The following MYOM1 variants were observed in gnomAD, a reference collection of about 807,000 sequenced individuals.
MYOM1 encodes the protein myomesin-1.
MYOM1 carries 164 observed loss-of-function variants against 205.3 expected under a neutral mutation model. That is an observed-to-expected ratio of 0.80 (90% confidence interval 0.70 to 0.91). MYOM1 has a LOEUF of 0.91. Ranked by LOEUF, MYOM1 falls within the 40% of genes least tolerant of loss-of-function variation. MYOM1 has a pLI of 0.00. For missense variants in MYOM1, 2,011 were observed against 2,127.3 expected, an observed-to-expected ratio of 0.95 and a Z score of 1.08; for synonymous variants, 772 against 789.4, an observed-to-expected ratio of 0.98 and a Z score of 0.37.
chr18:3,076,007 G>C (rs1448177587), intron 34 of MYOM1, among the ~76,000 whole-genome samples: 1 of 152,200 alleles, frequency 6.6e-6, no homozygotes, highest in African/African-American at 2.4e-5. Flanking sequence ...GAGGGCTTCA[G>C]CCCCTCAAAC....
intron 9 of MYOM1, among the ~76,000 whole-genome samples, chr18:3,167,531 G>C (rs2080489911): frequency 6.6e-6 from 1 of 152,094 alleles, no homozygotes; most frequent in South Asian, 2.1e-4. Flanking sequence ...CTACAGGTGT[G>C]CGCCACCACG....
intron 14 of MYOM1, among the ~76,000 whole-genome samples, chr18:3,140,337 G>GC (rs1359234534): frequency 6.6e-6 from 1 of 151,986 alleles, no homozygotes; most frequent in East Asian, 1.9e-4. Flanking sequence ...AACCAGGGAG[G>GC]CGGAGGTTGC....
intron 9 of MYOM1, among the ~76,000 whole-genome samples, chr18:3,167,333 G>C (rs1453474153): frequency 2.0e-5 from 3 of 152,160 alleles, no homozygotes; most frequent in Admixed American, 6.5e-5. Context: ...CTCTAGTATA[G>C]AAACTTAGTG....
chr18:3,086,019 T>G lies in MYOM1; in HGVS notation c.4251+19A>C, dbSNP rs2079148655. On this transcript the variant is annotated intron_variant, in intron 30 of 37. Transcript: ENST00000356443. ...GGTAGAGAGCTAATATATTACATTT[T>G]ACATTTATAATCGCCTACCTCTGTT... The G allele has an allele frequency of 6.8e-7, 1 of 1,479,074 alleles. No individual in the cohort carries two copies. Among genetic ancestry groups the G allele is most frequent in the African/African-American group, 1.4e-5 (1 of 72,370 alleles). The allele number at this position is 1,479,074 out of a possible 1,614,324, so 91.6% of individuals were successfully genotyped here. A position where few individuals can be genotyped will look rare whatever the true frequency, so the allele number is the denominator to read the frequency against.
chr18:3,206,304 G>T (rs951521456), intron 2 of MYOM1, among the ~76,000 whole-genome samples: 3 of 152,070 alleles, frequency 2.0e-5, no homozygotes, highest in African/African-American at 7.2e-5. Flanking sequence ...TATATTTACA[G>T]CTCCGTACTG....
At position 3,131,509 on chromosome 18, in the gene MYOM1, CAA is replaced by C; in HGVS notation, c.2385-15_2385-14del. The C allele has an allele frequency of 6.2e-7, 1 of 1,605,836 alleles. No individual in the cohort carries two copies. Among genetic ancestry groups the C allele is most frequent in the African/African-American group, 1.3e-5 (1 of 74,574 alleles). On this transcript the variant is annotated splice_polypyrimidine_tract_variant and intron_variant, in intron 16 of 37. Transcript: ENST00000356443. Reference sequence around the variant, plus strand: ...ATGACAAGTGAATCTAAAAGGAAAACAAGTTTTAAAAAATTTTCCTAGGAGGA... The same window carrying C: ...ATGACAAGTGAATCTAAAAGGAAAACGTTTTAAAAAATTTTCCTAGGAGGA...
intron 23 of MYOM1, among the ~76,000 whole-genome samples, chr18:3,100,790 G>A (rs1171838954): frequency 6.6e-6 from 1 of 152,144 alleles, no homozygotes; most frequent in Non-Finnish European, 1.5e-5. Flanking sequence ...GTAACTCTGG[G>A]TGCCTCTCCT....
chr18:3,193,677 T>C, intron 3 of MYOM1, 141 bp downstream of exon 3: 1 of 890,430 alleles, frequency 1.1e-6, no homozygotes, highest in East Asian at 2.7e-5. Context: ...CTGCTTTTAC[T>C]ATAATCTAAC....
chr18:3,238,315 A>G, the MYOM1 span, among the ~76,000 whole-genome samples: 1 of 152,168 alleles, frequency 6.6e-6, no homozygotes, highest in Non-Finnish European at 1.5e-5. Context: ...CTCACGCAGT[A>G]ATGTGAGCGA....
At chr18:3,106,102 T>C (rs1007747509) in intron 22 of MYOM1, among the ~76,000 whole-genome samples, 2 of 152,148 alleles carry the variant, frequency 1.3e-5, no homozygotes, top group Non-Finnish European at 2.9e-5. Flanking sequence ...GTTTACATCA[T>C]ATTAGGTATT....
At chr18:3,235,058 G>A in the MYOM1 span, among the ~76,000 whole-genome samples, 3 of 151,818 alleles carry the variant, frequency 2.0e-5, no homozygotes, top group Non-Finnish European at 2.9e-5. Context: ...CGCCTGGCCC[G>A]ACATACTTTT....
chr18:3,164,574 T>G (rs971551578), intron 9 of MYOM1, 135 bp from the exon 10 acceptor site: 2 of 827,162 alleles, frequency 2.4e-6, no homozygotes, highest in Non-Finnish European at 3.6e-6. Flanking sequence ...TCTAGGACTT[T>G]GAGCCATCCT....
chr18:3,100,528 G>A, intron 23 of MYOM1, 102 bp from the exon 24 acceptor site: 1 of 769,778 alleles, frequency 1.3e-6, no homozygotes, highest in Non-Finnish European at 2.2e-6. Flanking sequence ...CCTTTCATCT[G>A]GACACCTCCT....
the MYOM1 span, among the ~76,000 whole-genome samples, chr18:3,230,508 C>T: frequency 7.2e-5 from 11 of 152,254 alleles, no homozygotes; most frequent in Middle Eastern, 3.2e-3. Context: ...GCCAAGTTTT[C>T]ATTTGCATAG....
At chr18:3,153,918 C>T (rs2080255287) in intron 11 of MYOM1, among the ~76,000 whole-genome samples, 1 of 152,162 alleles carries the variant, frequency 6.6e-6, no homozygotes, top group South Asian at 2.1e-4. Context: ...AATTTGCTGT[C>T]TGTATCGTCC....
chr18:3,083,427 CTTT>C (rs35959808), intron 33 of MYOM1, among the ~76,000 whole-genome samples: 2 of 98,524 alleles, frequency 2.0e-5, no homozygotes, highest in East Asian at 3.0e-4. Flanking sequence ...TTTTCTTTTT[CTTT>C]TTTTTTTTTT....
chr18:3,133,707 A>C (rs1256879146), intron 16 of MYOM1, among the ~76,000 whole-genome samples: 1 of 152,224 alleles, frequency 6.6e-6, no homozygotes, highest in East Asian at 1.9e-4. Context: ...AAAAGGAAGA[A>C]GCAGCAAAAG....
intron 5 of MYOM1, among the ~76,000 whole-genome samples, chr18:3,180,003 A>C (rs1385071237): frequency 6.6e-6 from 1 of 152,114 alleles, no homozygotes; most frequent in Non-Finnish European, 1.5e-5. Flanking sequence ...TTTCATTACA[A>C]AGTATTCTGC....
the MYOM1 span, among the ~76,000 whole-genome samples, chr18:3,225,920 G>A: frequency 6.6e-6 from 1 of 152,316 alleles, no homozygotes; most frequent in South Asian, 2.1e-4. Flanking sequence ...GACTTAGACT[G>A]AAGTATTGCC....
Sources: allele counts gnomAD v4.1 joint callset (sites outside exome capture counted in the v4.1 genomes callset), GRCh38; gene constraint gnomAD v4.1.1; transcripts MANE v1.5; gene names NCBI Gene and HGNC (gene_info 2026-07-23, HGNC 2026-07-21).